Variants in PLEC observed in about 807,000 individuals in gnomAD.
The protein encoded by PLEC is hemidesmosomal protein 1.
Under a neutral mutation model 392.8 loss-of-function variants are expected in PLEC, and 216 were observed. The ratio of observed to expected loss-of-function variants is 0.55; its 90% CI spans 0.49 to 0.62. PLEC has a LOEUF of 0.62. PLEC is among the 20% of genes least tolerant of loss of function. The probability of loss-of-function intolerance (pLI) is 0.00; values close to 1 mark genes in which losing one functional copy is unlikely to be tolerated. For missense variants in PLEC, 6,863 were observed against 6,563.4 expected (o/e 1.05, Z -1.58); for synonymous variants, 3,621 against 2,980.6 (o/e 1.21, Z -7.00).
At position 143,929,574 on chromosome 8, in the gene PLEC, G is replaced by A; in HGVS notation, c.2924-3C>T. The A allele has an allele frequency of 6.2e-7, 1 of 1,612,332 alleles. No individual in the cohort carries two copies. The highest frequency in any genetic ancestry group is 8.5e-7 in the Non-Finnish European group (1 of 1,179,898). ...GCAGCGAGACTCTTCCTGTGCACCT[G>A]GGGAACACATGTGGGTCACTCCACC... On this transcript the variant is annotated splice_region_variant and splice_polypyrimidine_tract_variant and intron_variant, in intron 23 of 31. Coordinates refer to ENST00000345136, the MANE Select transcript of PLEC (RefSeq NM_201384.3).
At chr8:143,962,201 T>G (rs1832900257) in intron 1 of PLEC, among the ~76,000 whole-genome samples, 1 of 152,174 alleles carries the variant, frequency 6.6e-6, no homozygotes, top group Non-Finnish European at 1.5e-5. Context: ...ATTACCTGGA[T>G]GGGCCCTAGA....
Position 143,926,809 on chromosome 8 carries a change from G to C in PLEC, c.4019C>G (p.Thr1340Ser), listed in dbSNP as rs144371714. Residue 1340 changes from threonine to serine, a missense_variant, in exon 30 of 32, where the codon ACT (threonine) becomes AGT (serine). Thr to Ser is a moderately conservative substitution (Grantham distance 58). Coordinates refer to ENST00000345136, the MANE Select transcript of PLEC (RefSeq NM_201384.3). ...TSQYIKFISE[T>S]LRRMEEEERL... ...CTCCTCCTCCTCCATGCGCCGCAGA[G>C]TCTCGCTGATGAACTTGATGTACTG... The C allele has an allele frequency of 6.2e-7, 1 of 1,613,838 alleles. No homozygotes were observed. Among genetic ancestry groups the C allele is most frequent in the Admixed American group, 1.7e-5 (1 of 60,032 alleles).
chr8:143,976,371 T>C (rs1833662010), upstream of PLEC, among the ~76,000 whole-genome samples: 1 of 151,922 alleles, frequency 6.6e-6, no homozygotes, highest in South Asian at 2.1e-4. Context: ...GGCCAAGGGC[T>C]AAGGAGGAGG....
rs1015888204 is a variant in PLEC at position 143,924,065 on chromosome 8, G to A, written c.5864C>T (p.Ala1955Val). 67 of 1,597,342 alleles carry A rather than the reference G, an allele frequency of 4.2e-5. No homozygotes were observed. Among genetic ancestry groups the A allele is most frequent in the Middle Eastern group, 1.6e-4 (1 of 6,078 alleles). Residue 1955 changes from alanine (A) to valine (V), a missense_variant, in exon 31 of 32, where the codon GCG (alanine) becomes GTG (valine). Transcript: ENST00000345136. Reference protein sequence around the residue: ...ELELGRIRSNAEDTLRSKEQA... With the variant: ...ELELGRIRSNVEDTLRSKEQA... ...CTCCTTGCTGCGCAGCGTGTCCTCC[G>A]CGTTGCTGCGGATGCGTCCCAGCTC... is the stretch of plus-strand genomic sequence containing the variant.
rs1554721471 is a variant in PLEC at position 143,934,864 on chromosome 8, G to A, written c.891C>T (p.His297=). Residue 297 remains histidine, a synonymous_variant, in exon 9 of 32, where the codon CAC becomes CAT. Coordinates refer to ENST00000345136, the MANE Select transcript of PLEC (RefSeq NM_201384.3). ...TGCGTTCCTCAAAGGCGGCCGTGTG[G>A]TGTCGCATCCACTGAAGCAGCAGCA... ...LVLLLLQWMR[H]HTAAFEERRF... The A allele has an allele frequency of 8.7e-6, 14 of 1,611,296 alleles. 1 individual carries two copies. In the Admixed American group the frequency reaches 1.8e-4, roughly 21 times the overall value.
intron 1 of PLEC, among the ~76,000 whole-genome samples, chr8:143,970,840 C>A (rs942271552): frequency 6.6e-6 from 1 of 152,188 alleles, no homozygotes; most frequent in South Asian, 2.1e-4. Flanking sequence ...AGGCTTGGGG[C>A]GCTGGGCGAC....
chr8:143,944,233 A>G (rs1039580930), upstream of PLEC, among the ~76,000 whole-genome samples: 2 of 151,772 alleles, frequency 1.3e-5, 1 homozygote, highest in South Asian at 4.2e-4. Context: ...GGCCAGCCGC[A>G]CGCCTGGCCA....
rs782499938 is a variant in PLEC at position 143,921,955 on chromosome 8, G to A, written c.7866C>T (p.Ala2622=). The A allele has an allele frequency of 3.1e-6, 5 of 1,599,008 alleles. No individual in the cohort carries two copies. Among genetic ancestry groups the A allele is most frequent in the South Asian group, 2.2e-5 (2 of 91,038 alleles). ...SEEVTASQVA[A]TKTLPNGRDA... Reference sequence around the variant, plus strand: ...CCCGGCCATTGGGCAGGGTCTTTGTGGCAGCCACCTGCGAGGCAGTGACCT... The same window carrying A: ...CCCGGCCATTGGGCAGGGTCTTTGTAGCAGCCACCTGCGAGGCAGTGACCT... Residue 2622 remains alanine, a synonymous_variant, in exon 32 of 32, where the codon GCC becomes GCT. Transcript: ENST00000345136.
In PLEC at chr8:143,916,508, G is replaced by T; in HGVS notation, c.13313C>A (p.Pro4438His). 1 of 1,611,904 alleles carries T rather than the reference G, an allele frequency of 6.2e-7. No individual in the cohort carries two copies. The highest frequency in any genetic ancestry group is 8.5e-7 in the Non-Finnish European group (1 of 1,179,510). Residue 4438 changes from proline to histidine, a missense_variant, in exon 32 of 32, where the codon CCT (proline) becomes CAT (histidine). Pro to His is a moderately conservative substitution (Grantham distance 77). Transcript: ENST00000345136. Reference sequence around the variant, plus strand: ...ATAGGAGATCTTGAGCTTGGTCTTAGGGCAGGTGAGGTACTTGGAGTAGGC... The same window carrying T: ...ATAGGAGATCTTGAGCTTGGTCTTATGGCAGGTGAGGTACTTGGAGTAGGC... The part of the protein sequence containing the change: ...VGAYSKYLTC[P>H]KTKLKISYKD...
At chr8:143,929,595 C>G in intron 23 of PLEC, 24 bp from the exon 24 acceptor site, 1 of 1,611,596 alleles carries the variant, frequency 6.2e-7, no homozygotes, top group Non-Finnish European at 8.5e-7. Flanking sequence ...GTGGGTCACT[C>G]CACCGCCCAC....
intron 1 of PLEC, among the ~76,000 whole-genome samples, chr8:143,966,849 G>A (rs966979024): frequency 6.6e-6 from 1 of 152,112 alleles, no homozygotes; most frequent in African/African-American, 2.4e-5. Flanking sequence ...CCCTATGAGC[G>A]TGACACCAAG....
At position 143,919,496 on chromosome 8, in the gene PLEC, C is replaced by T. The variant is rs781859946; in HGVS notation, c.10325G>A (p.Gly3442Asp). The change falls in exon 32 of 32, where the codon GGC becomes GAC. Residue 3442 changes from glycine (G) to aspartate (D), a missense_variant. Coordinates refer to ENST00000345136, the MANE Select transcript of PLEC (RefSeq NM_201384.3). ...AVTGYRDPYS[G>D]STISLFQAMQ... is the part of the protein sequence containing the mutation. ...GGCCTGGAAGAGGGAGATGGTGCTGCCCGAGTAGGGGTCTCTGTAGCCGGT... is the reference window on the plus strand; with the variant it reads ...GGCCTGGAAGAGGGAGATGGTGCTGTCCGAGTAGGGGTCTCTGTAGCCGGT... The T allele has an allele frequency of 1.2e-6, 2 of 1,613,014 alleles. No individual in the cohort carries two copies. The highest frequency in any genetic ancestry group is 1.1e-5 in the South Asian group (1 of 91,084).
chr8:143,950,406 G>A (rs782320666), exon 1 of PLEC: 11 of 1,606,334 alleles, frequency 6.8e-6, no homozygotes, highest in East Asian at 2.2e-5. Flanking sequence ...ACGGGGCGGC[G>A]CACGCGCTGC....
chr8:143,948,638 G>A (rs1831776582), intron 1 of PLEC, among the ~76,000 whole-genome samples: 1 of 152,218 alleles, frequency 6.6e-6, no homozygotes. Flanking sequence ...TGGCTTTGGG[G>A]GGACTGAGTC....
Position 143,930,067 on chromosome 8 carries a change from C to G in PLEC, c.2613-5G>C. The G allele has an allele frequency of 6.2e-6, 10 of 1,609,752 alleles. No individual in the cohort carries two copies. Among genetic ancestry groups the G allele is most frequent in the Non-Finnish European group, 8.5e-6 (10 of 1,179,726 alleles). On this transcript the variant is annotated splice_polypyrimidine_tract_variant and splice_region_variant and intron_variant, in intron 21 of 31. Transcript: ENST00000345136. ...GCCTGGTGCTGGGCCTCCAGCCTGG[C>G]AGGTCAGGGCTACAGTCAGCGTCAC...
chr8:143,938,619 T>C lies in PLEC; in HGVS notation c.174+12A>G, dbSNP rs1554725832. 2.5e-6 allele frequency: 4 copies of C among 1,613,426 alleles called. No individual in the cohort carries two copies. The highest frequency in any genetic ancestry group is 1.7e-5 in the Admixed American group (1 of 60,036). On this transcript the variant is annotated intron_variant, in intron 2 of 31. Coordinates refer to ENST00000345136, the MANE Select transcript of PLEC (RefSeq NM_201384.3). ...TCAGCCCCTGTGACACGCACCAGCA[T>C]GCGCCACCAACCTTGATGAGGTGCT...
chr8:143,926,991 T>G lies in PLEC; in HGVS notation c.3931A>C (p.Ser1311Arg). ...CCCCACCCTACCTCCTGGATGACAC[T>G]CTCTGATCCCGACTGGACCTTGGGC... ...KKPKVQSGSE[S>R]VIQEYVDLRT... Residue 1311 changes from serine (S) to arginine (R), a missense_variant, in exon 29 of 32, where the codon AGT (serine) becomes CGT (arginine). By Grantham distance (110) the Ser-to-Arg change is moderately radical (BLOSUM62 -1). Coordinates refer to ENST00000345136, the MANE Select transcript of PLEC (RefSeq NM_201384.3). 6 of 1,613,084 alleles carry G rather than the reference T, an allele frequency of 3.7e-6. No individual in the cohort carries two copies. Among genetic ancestry groups the G allele is most frequent in the Non-Finnish European group, 4.2e-6 (5 of 1,179,872 alleles).
chr8:143,952,559 C>G (rs960450165), upstream of PLEC, among the ~76,000 whole-genome samples: 63 of 151,974 alleles, frequency 4.1e-4, no homozygotes, highest in African/African-American at 1.4e-3. Flanking sequence ...CTCAGCGCAC[C>G]CCCCCACACT....
At chr8:143,954,210 A>G (rs1444442845), upstream of PLEC, among the ~76,000 whole-genome samples, 1 of 151,412 alleles carries the variant, frequency 6.6e-6, no homozygotes, top group Non-Finnish European at 1.5e-5. The surrounding 1 kb of genome is among the most constrained non-coding windows in gnomAD (Gnocchi z 4.6). Flanking sequence ...CCACCCATCC[A>G]GATCTCCCAG....
Sources: gnomAD v4.1 joint callset for allele counts (sites outside exome capture counted in the v4.1 genomes callset) on GRCh38, gnomAD v4.1.1 for gene constraint, Gnocchi (gnomAD v3.1) non-coding constraint, MANE v1.5 for transcripts, NCBI Gene and HGNC (gene_info 2026-07-23, HGNC 2026-07-21) for gene names.